The following CCAR1 variants were observed in gnomAD, a reference collection of about 807,000 sequenced individuals.
CCAR1 encodes cell division cycle and apoptosis regulator protein 1.
In CCAR1, 78 loss-of-function variants were observed where a neutral mutation model predicts 163.8. The observed-to-expected ratio is 0.48, with a 90% CI of 0.40 to 0.57. The LOEUF is 0.57. Among genes scored for constraint, CCAR1 ranks in the 20% least tolerant of loss-of-function variants. The pLI is 0.00. For missense variants in CCAR1, 1,019 were observed against 1,365.2 expected, an observed-to-expected ratio of 0.75 and a Z score of 4.00; for synonymous variants, 443 against 460.7, an observed-to-expected ratio of 0.96 and a Z score of 0.49.
intron 2 of CCAR1, among the ~76,000 whole-genome samples, chr10:68,724,609 T>C (rs7913883): frequency 0.06 from 9,102 of 151,710 alleles, 435 homozygotes; most frequent in East Asian, 0.25. Context: ...AATTTAAAGT[T>C]GAAAAACTAC....
chr10:68,726,481 C>G (rs948474629), intron 2 of CCAR1, among the ~76,000 whole-genome samples: 3 of 152,046 alleles, frequency 2.0e-5, no homozygotes, highest in African/African-American at 7.2e-5. Context: ...GTATCCTAAT[C>G]CACAGTGCTT....
intron 9 of CCAR1, 116 bp from the exon 10 acceptor site, chr10:68,749,408 A>G: frequency 7.9e-7 from 1 of 1,262,976 alleles, no homozygotes. Context: ...CAATTTTTAA[A>G]AAGTTAAACA....
intron 10 of CCAR1, among the ~76,000 whole-genome samples, chr10:68,753,113 A>G (rs929671195): frequency 1.3e-5 from 2 of 152,250 alleles, no homozygotes; most frequent in Admixed American, 1.3e-4. Flanking sequence ...TTTTCATCTT[A>G]CATTATACTT....
In CCAR1 at chr10:68,725,140, C is replaced by CA. The variant is rs879289061; in HGVS notation, c.73+2575dup. Among the ~76,000 whole-genome samples the CA allele has an allele frequency of 6.2e-3, 840 of 134,518 alleles. 9 individuals carry two copies. Among genetic ancestry groups the CA allele is most frequent in the African/African-American group, 0.02 (717 of 36,738 alleles). 88.2% of individuals were successfully genotyped at this position (134,518 alleles called of 152,430 possible). A position where few individuals can be genotyped will look rare whatever the true frequency, so the allele number is the denominator to read the frequency against. The stretch of plus-strand genomic sequence containing the variant: ...CTGGGCAACGAGAGAAACTCCGTCT[C>CA]AAAAAAAAAAAATAGTTGTAAAAGC... On this transcript the variant is annotated intron_variant, in intron 2 of 24. Transcript: ENST00000265872.
At chr10:68,781,567 A>G (rs145218088) in intron 19 of CCAR1, among the ~76,000 whole-genome samples, 2 of 151,846 alleles carry the variant, frequency 1.3e-5, no homozygotes, top group East Asian at 3.9e-4. Context: ...AGGCCAATTA[A>G]TAATTAGGCT....
Position 68,753,983 on chromosome 10 carries a change from G to T in CCAR1, c.1250G>T (p.Cys417Phe). 6.2e-7 allele frequency: 1 copy of T among 1,613,888 alleles called. No individual in the cohort carries two copies. The highest frequency in any genetic ancestry group is 8.5e-7 in the Non-Finnish European group (1 of 1,179,880). Reference sequence around the variant, plus strand: ...AGACCATTTCAGCTGGGAAATTACTGCAATTTTTATGTAATGCACAGAGAA... The same window carrying T: ...AGACCATTTCAGCTGGGAAATTACTTCAATTTTTATGTAATGCACAGAGAA... ...LSRPFQLGNY[C>F]NFYVMHREVE... is the part of the protein sequence containing the mutation. Residue 417 changes from cysteine to phenylalanine, a missense_variant, in exon 11 of 25, where the codon TGC (cysteine) becomes TTC (phenylalanine). Cys to Phe is a radical substitution (Grantham distance 205). Transcript: ENST00000265872.
intron 3 of CCAR1, among the ~76,000 whole-genome samples, chr10:68,737,643 A>G (rs2056129022): frequency 6.6e-6 from 1 of 151,938 alleles, no homozygotes; most frequent in Non-Finnish European, 1.5e-5. Flanking sequence ...TTTACTTTAG[A>G]TGAAGTTTCA....
chr10:68,738,996 G>A (rs939250985), intron 4 of CCAR1, among the ~76,000 whole-genome samples: 2 of 152,194 alleles, frequency 1.3e-5, no homozygotes, highest in African/African-American at 4.8e-5. Flanking sequence ...CCCTAGGCAT[G>A]TTTAAACAAT....
chr10:68,765,330 C>T (rs1017620776), intron 16 of CCAR1, among the ~76,000 whole-genome samples: 2 of 152,228 alleles, frequency 1.3e-5, no homozygotes, highest in African/African-American at 4.8e-5. Flanking sequence ...AGCTGCTGCA[C>T]TTTCCAGTAA....
intron 5 of CCAR1, among the ~76,000 whole-genome samples, chr10:68,741,504 G>T (rs1185043439): frequency 6.6e-6 from 1 of 152,162 alleles, no homozygotes; most frequent in Non-Finnish European, 1.5e-5. Context: ...CGTAAAAAGA[G>T]CCTATAGGCT....
chr10:68,745,164 C>G (rs1169148506), intron 6 of CCAR1, among the ~76,000 whole-genome samples: 1 of 151,894 alleles, frequency 6.6e-6, no homozygotes, highest in Non-Finnish European at 1.5e-5. Flanking sequence ...TGCCACCACA[C>G]CCGGCTAATT....
rs549610551 is a variant in CCAR1, at chr10:68,740,338, C to T, written c.292-291C>T. ...AGTTTTTAGAAACAGTTGTAGGAAA[C>T]TTTATACCTAGTTATCTCTGTTACT... On this transcript the variant is annotated intron_variant, in intron 4 of 24. Coordinates refer to ENST00000265872, the MANE Select transcript of CCAR1 (RefSeq NM_018237.4). 2.6e-5 allele frequency among the ~76,000 whole-genome samples: 4 copies of T among 152,184 alleles called. No homozygotes were observed. In the South Asian group the frequency reaches 8.3e-4, roughly 32 times the overall value.
At chr10:68,747,075 A>G in intron 6 of CCAR1, 86 bp from the exon 7 acceptor site, 1 of 657,592 alleles carries the variant, frequency 1.5e-6, no homozygotes, top group Non-Finnish European at 2.5e-6. Flanking sequence ...GTTTACTTTA[A>G]AGTACTAACT....
At chr10:68,781,945 T>C (rs940060237) in intron 19 of CCAR1, among the ~76,000 whole-genome samples, 2 of 152,098 alleles carry the variant, frequency 1.3e-5, no homozygotes, top group Non-Finnish European at 2.9e-5. Flanking sequence ...GAAGAAGGCA[T>C]GTTGAAAGTT....
intron 6 of CCAR1, among the ~76,000 whole-genome samples, chr10:68,742,953 G>A (rs140785494): frequency 6.6e-6 from 1 of 151,674 alleles, no homozygotes; most frequent in African/African-American, 2.4e-5. Context: ...TTTTATTTGA[G>A]ACAGAGCCTC....
rs548499545 is a variant in CCAR1, at chr10:68,729,419, G to A, written c.73+6842G>A. 7.2e-5 allele frequency among the ~76,000 whole-genome samples: 11 copies of A among 151,786 alleles called. No individual in the cohort carries two copies. The East Asian group carries it at 2.1e-3, about 30-fold the overall frequency. Reference sequence around the variant, plus strand: ...CGAGTAGCTGGGACTACAGGCGCCTGCCACCACGCCCGGCTAATTTTTTGT... The same window carrying A: ...CGAGTAGCTGGGACTACAGGCGCCTACCACCACGCCCGGCTAATTTTTTGT... On this transcript the variant is annotated intron_variant, in intron 2 of 24. Coordinates refer to ENST00000265872, the MANE Select transcript of CCAR1 (RefSeq NM_018237.4).
chr10:68,766,190 TTTTTG>T (rs933411163), intron 17 of CCAR1, 111 bp downstream of exon 17: 4 of 747,160 alleles, frequency 5.4e-6, no homozygotes, highest in African/African-American at 3.6e-5. Flanking sequence ...TTCGTGGTTT[TTTTTG>T]TTTTGTTTTG....
At chr10:68,782,319 G>A (rs889795449) in intron 19 of CCAR1, among the ~76,000 whole-genome samples, 111 of 152,196 alleles carry the variant, frequency 7.3e-4, no homozygotes, top group African/African-American at 2.5e-3. Flanking sequence ...GCTGAGGTGG[G>A]AGGATTGCTT....
intron 10 of CCAR1, among the ~76,000 whole-genome samples, chr10:68,752,302 A>G (rs985365078): frequency 1.3e-5 from 2 of 152,140 alleles, no homozygotes; most frequent in Non-Finnish European, 2.9e-5. Flanking sequence ...TAAAGTTTCC[A>G]TACTTCTCAT....
Sources: allele counts gnomAD v4.1 joint callset (sites outside exome capture counted in the v4.1 genomes callset), GRCh38; gene constraint gnomAD v4.1.1; transcripts MANE v1.5; gene names NCBI Gene and HGNC (gene_info 2026-07-23, HGNC 2026-07-21).